ADORA2B: variants seen among roughly 807,000 people sequenced by gnomAD.
ADORA2B encodes the protein adenosine receptor A2b.
A neutral mutation model predicts 20.8 loss-of-function variants in ADORA2B; 18 were observed. The observed-to-expected ratio is 0.87, with a 90% CI of 0.60 to 1.29. The LOEUF (loss-of-function observed/expected upper bound fraction) is 1.29. Ranked by LOEUF, ADORA2B falls within the 50% of genes most tolerant of loss-of-function variation. The pLI is 0.00. For missense variants in ADORA2B, 441 were observed against 422.7 expected, an observed-to-expected ratio of 1.04 and a Z score of -0.38; for synonymous variants, 179 against 178.3, an observed-to-expected ratio of 1.00 and a Z score of -0.03.
At chr17:15,941,041 G>A (rs1191104878), upstream of ADORA2B, among the ~76,000 whole-genome samples, 1 of 152,256 alleles carries the variant, frequency 6.6e-6, no homozygotes, top group Non-Finnish European at 1.5e-5. Flanking sequence ...GTTGAGGCAG[G>A]ATGAGAGGGG....
At chr17:15,867,278 G>T in the ADORA2B span, among the ~76,000 whole-genome samples, 1 of 151,940 alleles carries the variant, frequency 6.6e-6, no homozygotes, top group African/African-American at 2.4e-5. Flanking sequence ...TCTCTGCCTG[G>T]CTGCCCAGTC....
intron 1 of ADORA2B, among the ~76,000 whole-genome samples, chr17:15,956,700 A>T (rs952324527): frequency 8.5e-5 from 12 of 141,336 alleles, no homozygotes; most frequent in Non-Finnish European, 1.6e-4. Flanking sequence ...GGTTCAAGCG[A>T]TTCTCTTGCC....
the ADORA2B span, among the ~76,000 whole-genome samples, chr17:15,905,609 T>C: frequency 2.0e-5 from 3 of 152,098 alleles, no homozygotes; most frequent in African/African-American, 4.8e-5. Context: ...CTCGATCTCC[T>C]GACCTCATGA....
intron 1 of ADORA2B, among the ~76,000 whole-genome samples, chr17:15,964,519 G>A (rs931588313): frequency 2.0e-5 from 3 of 150,330 alleles, no homozygotes; most frequent in Non-Finnish European, 2.9e-5. Context: ...TGAGGCAGGA[G>A]AATCGCTTGA....
intron 1 of ADORA2B, among the ~76,000 whole-genome samples, chr17:15,972,409 T>C (rs1970199844): frequency 6.6e-6 from 1 of 152,274 alleles, no homozygotes; most frequent in South Asian, 2.1e-4. Flanking sequence ...ATTTACTTAA[T>C]ACATTACATT....
At chr17:15,874,084 A>G in the ADORA2B span, among the ~76,000 whole-genome samples, 2 of 140,170 alleles carry the variant, frequency 1.4e-5, no homozygotes, top group African/African-American at 2.9e-5. Context: ...ATATATATGT[A>G]TATATATGTA....
At chr17:15,885,243 T>C in the ADORA2B span, among the ~76,000 whole-genome samples, 1 of 152,236 alleles carries the variant, frequency 6.6e-6, no homozygotes, top group Non-Finnish European at 1.5e-5. Flanking sequence ...GTTCATGTAC[T>C]TTGCCCACTT....
chr17:15,899,836 T>G, the ADORA2B span, among the ~76,000 whole-genome samples: 1 of 152,022 alleles, frequency 6.6e-6, no homozygotes, highest in Non-Finnish European at 1.5e-5. Flanking sequence ...TTTTCTTTTT[T>G]TCTTTTTTTT....
At chr17:15,850,541 T>C in the ADORA2B span, 1 of 157,316 alleles carries the variant, frequency 6.4e-6, no homozygotes, top group East Asian at 1.9e-4. Context: ...TGGAACAACA[T>C]GTAAATGTTC....
chr17:15,905,967 G>A, the ADORA2B span, among the ~76,000 whole-genome samples: 2 of 152,202 alleles, frequency 1.3e-5, no homozygotes, highest in African/African-American at 4.8e-5. Context: ...ATTGAATTTT[G>A]TATACCGACT....
the ADORA2B span, among the ~76,000 whole-genome samples, chr17:15,878,182 T>TATACACACACACAC: frequency 3.9e-5 from 2 of 51,018 alleles, no homozygotes; most frequent in Non-Finnish European, 7.1e-5. Context: ...TGTGTGTGTG[T>TATACACACACACAC]ATACACACAC....
the ADORA2B span, among the ~76,000 whole-genome samples, chr17:15,939,890 C>T: frequency 2.1e-5 from 3 of 145,152 alleles, no homozygotes; most frequent in African/African-American, 7.6e-5. Flanking sequence ...AAAGAAGTTA[C>T]ATTTTCTCTG....
chr17:15,884,581 C>A, the ADORA2B span, among the ~76,000 whole-genome samples: 11 of 152,198 alleles, frequency 7.2e-5, no homozygotes, highest in Non-Finnish European at 1.6e-4. Context: ...CCTCCACGCC[C>A]CCATACAGGC....
At chr17:15,859,809 CT>C in the ADORA2B span, among the ~76,000 whole-genome samples, 1 of 152,306 alleles carries the variant, frequency 6.6e-6, no homozygotes, top group Admixed American at 6.5e-5. Flanking sequence ...GAAATATCAT[CT>C]GGAGGATTCA....
the ADORA2B span, among the ~76,000 whole-genome samples, chr17:15,929,496 G>C: frequency 1.3e-5 from 2 of 152,188 alleles, no homozygotes; most frequent in African/African-American, 4.8e-5. Flanking sequence ...GGGCTTTCCT[G>C]TGGAGGTGGC....
At chr17:15,874,107 CAT>C in the ADORA2B span, among the ~76,000 whole-genome samples, 1 of 137,866 alleles carries the variant, frequency 7.3e-6, no homozygotes, top group Non-Finnish European at 1.5e-5. Context: ...CACACACACA[CAT>C]ATATACATAC....
chr17:15,940,077 T>C, the ADORA2B span, among the ~76,000 whole-genome samples: 2 of 152,202 alleles, frequency 1.3e-5, no homozygotes, highest in Non-Finnish European at 2.9e-5. Context: ...TCTGAAACAA[T>C]ACATGTGGTA....
the ADORA2B span, among the ~76,000 whole-genome samples, chr17:15,900,071 C>T: frequency 2.6e-5 from 4 of 152,076 alleles, no homozygotes; most frequent in Non-Finnish European, 5.9e-5. Context: ...ACCTCGTGAT[C>T]CGCTTGCCTC....
chr17:15,860,125 C>G, the ADORA2B span, among the ~76,000 whole-genome samples: 2 of 152,146 alleles, frequency 1.3e-5, no homozygotes, highest in Admixed American at 6.5e-5. Flanking sequence ...TCAGGTACCC[C>G]CTGCTTGCTC....
Sources: gnomAD v4.1 joint callset for allele counts (sites outside exome capture counted in the v4.1 genomes callset) on GRCh38, gnomAD v4.1.1 for gene constraint, MANE v1.5 for transcripts, NCBI Gene and HGNC (gene_info 2026-07-23, HGNC 2026-07-21) for gene names.